The following HSF4 variants were observed in gnomAD, a reference collection of about 807,000 sequenced individuals.
HSF4 encodes the protein heat shock factor protein 4.
Under a neutral mutation model 52.0 loss-of-function variants are expected in HSF4, and 41 were observed. The ratio of observed to expected loss-of-function variants is 0.79; its 90% CI spans 0.61 to 1.02. The LOEUF is 1.02. HSF4 is among the 50% of genes least tolerant of loss of function. The pLI is 0.00. For synonymous variants in HSF4, 285 were observed against 273.0 expected (o/e 1.04, Z -0.43); for missense variants, 610 against 651.1 (o/e 0.94, Z 0.69).
chr16:67,163,931 C>G (rs2031051989), upstream of HSF4: 1 of 1,476,686 alleles, frequency 6.8e-7, no homozygotes, highest in African/African-American at 1.4e-5. Context: ...ATTGTTGCCC[C>G]CCGGGTCTTT....
rs1243249927 is a variant in HSF4 at position 67,167,730 on chromosome 16, C to T, written c.865C>T (p.Leu289=). 4 of 1,608,894 alleles carry T rather than the reference C, an allele frequency of 2.5e-6. 1 individual carries two copies. In the South Asian group the frequency reaches 3.3e-5, roughly 13 times the overall value. ...TTTTCTCTGGTGCAGGGAGAAGGGC[C>T]TGGCACTGCTCAAAGAAGAGCCGGC... The part of the protein sequence containing the change: ...PSSDGRREKG[L]ALLKEEPASP... Residue 289 remains leucine (L), a synonymous_variant, in exon 9 of 13, where the codon CTG becomes TTG. Transcript: ENST00000521374.
At position 67,165,979 on chromosome 16, in the gene HSF4, C is replaced by A; in HGVS notation, c.394C>A (p.Arg132Ser). The part of the protein sequence containing the change: ...PALRGDDGRW[R>S]PEDLGRLLGE... ...GCTGCGCGGCGACGACGGCCGCTGG[C>A]GCCCGGAGGACCTGGGTCGACTACT... Residue 132 changes from arginine to serine, a missense_variant, in exon 4 of 13, where the codon CGC (arginine) becomes AGC (serine). Transcript: ENST00000521374. This position sits in a 1 kb window ranked among gnomAD's most constrained non-coding sequence, Gnocchi z 6.9. 6.4e-7 allele frequency: 1 copy of A among 1,554,234 alleles called. No individual in the cohort carries two copies. The highest frequency in any genetic ancestry group is 1.9e-4 in the Middle Eastern group (1 of 5,286).
chr16:67,166,045 G>A lies in HSF4; in HGVS notation c.460G>A (p.Glu154Lys). 2 of 1,533,528 alleles carry A rather than the reference G, an allele frequency of 1.3e-6. No individual in the cohort carries two copies. Among genetic ancestry groups the A allele is most frequent in the Admixed American group, 3.9e-5 (2 of 50,998 alleles). 95.0% of individuals were successfully genotyped at this position (1,533,528 alleles called of 1,614,324 possible). A position where few individuals can be genotyped will look rare whatever the true frequency, so the allele number is the denominator to read the frequency against. Residue 154 changes from glutamate (E) to lysine (K), a missense_variant, in exon 4 of 13, where the codon GAG becomes AAG. Physicochemically the swap from Glu to Lys is moderately conservative, Grantham distance 56. Coordinates refer to ENST00000521374, the MANE Select transcript of HSF4 (RefSeq NM_001374675.1). ...QALRGVQEST[E>K]ARLRELRQQN... ...TTTGCGGGGAGTGCAGGAGAGCACC[G>A]AGGCGCGGCTGCGGGAGCTCAGGCA...
Position 67,168,854 on chromosome 16 carries a change from G to A in HSF4, c.1106G>A (p.Gly369Glu). Residue 369 changes from glycine to glutamate, a missense_variant, in exon 10 of 13, where the codon GGG becomes GAG. By Grantham distance (98) the Gly-to-Glu change is moderately conservative. Transcript: ENST00000521374. ...AGGGGGCCTCTGGGCCTGGAAAGCGGGGACAGGAGCCCAGAGAGTCTGCTG... is the reference window on the plus strand; with the variant it reads ...AGGGGGCCTCTGGGCCTGGAAAGCGAGGACAGGAGCCCAGAGAGTCTGCTG... ...PDRGPLGLES[G>E]DRSPESLLPP... 6.2e-7 allele frequency: 1 copy of A among 1,613,910 alleles called. No individual in the cohort carries two copies.
Position 67,169,932 on chromosome 16 carries a change from G to T in HSF4, c.*147G>T, listed in dbSNP as rs1461768251. 2.4e-5 allele frequency: 15 copies of T among 629,892 alleles called. No individual in the cohort carries two copies. Among genetic ancestry groups the T allele is most frequent in the African/African-American group, 7.6e-5 (4 of 52,486 alleles). 39.0% of individuals were successfully genotyped at this position (629,892 alleles called of 1,614,324 possible). ...CCGACTATCCCTGCACATAAACTCC[G>T]TTTTTTTTTTTTCTGTTTCTGGTCT... On this transcript the variant is annotated 3_prime_UTR_variant, in exon 13 of 13. Coordinates refer to ENST00000521374, the MANE Select transcript of HSF4 (RefSeq NM_001374675.1). The surrounding 1 kb of genome is among the most constrained non-coding windows in gnomAD (Gnocchi z 4.3).
intron 4 of HSF4, 78 bp from the exon 5 acceptor site, chr16:67,166,242 C>T: frequency 6.8e-7 from 1 of 1,467,522 alleles, no homozygotes; most frequent in Non-Finnish European, 9.4e-7. Context: ...CTCCTGGGTC[C>T]CCAGCCTCGC....
chr16:67,166,223 C>T (rs1478882056), intron 4 of HSF4, 97 bp from the exon 5 acceptor site: 13 of 1,391,742 alleles, frequency 9.3e-6, no homozygotes, highest in South Asian at 2.5e-5. Context: ...GGCCAGTCAG[C>T]GGGGTGGTCT....
chr16:67,166,263 G>T (rs973312180), intron 4 of HSF4, 57 bp from the exon 5 acceptor site: 2 of 1,522,844 alleles, frequency 1.3e-6, no homozygotes, highest in East Asian at 2.3e-5. Context: ...CATTCTGTGG[G>T]GGGTGGTGAC....
intron 9 of HSF4, 35 bp from the exon 10 acceptor site, chr16:67,168,774 CTTGGGAACTTAATGCGGGGTGG>C: frequency 7.5e-7 from 1 of 1,337,320 alleles, no homozygotes; most frequent in East Asian, 2.3e-5. Flanking sequence ...ATCTGGGTTC[CTTGGGAACTTAATGCGGGGTGG>C]ACACTGCAGG....
At chr16:67,167,653 CAG>C in intron 8 of HSF4, 54 bp downstream of exon 8, 1 of 1,612,282 alleles carries the variant, frequency 6.2e-7, no homozygotes, top group African/African-American at 1.3e-5. Flanking sequence ...CCTGGCAGCC[CAG>C]ATGGCTGTAG....
intron 4 of HSF4, 124 bp downstream of exon 4, chr16:67,166,194 T>C: frequency 7.3e-7 from 1 of 1,367,796 alleles, no homozygotes; most frequent in South Asian, 1.2e-5. Context: ...CATCTAGACT[T>C]ATGGGCGATC....
chr16:67,168,300 C>G (rs1342531693), intron 9 of HSF4, among the ~76,000 whole-genome samples: 1 of 152,074 alleles, frequency 6.6e-6, no homozygotes, highest in African/African-American at 2.4e-5. Context: ...GGTGAAACCC[C>G]CCGCCTCTGC....
In HSF4 at chr16:67,164,749, T is replaced by C. The variant is rs762547829; in HGVS notation, c.-63T>C. 23 of 1,525,990 alleles carry C rather than the reference T, an allele frequency of 1.5e-5. No individual in the cohort carries two copies. Among genetic ancestry groups the C allele is most frequent in the East Asian group, 2.5e-5 (1 of 40,312 alleles). 94.5% of individuals were successfully genotyped at this position (1,525,990 alleles called of 1,614,324 possible). On this transcript the variant is annotated 5_prime_UTR_variant, in exon 1 of 13. Coordinates refer to ENST00000521374, the MANE Select transcript of HSF4 (RefSeq NM_001374675.1). ...GGAGCGGGCGGCAAACGCAGCACTTTCCGCGGCTTTGACGAGCCCGCAGCG... is the reference window on the plus strand; with the variant it reads ...GGAGCGGGCGGCAAACGCAGCACTTCCCGCGGCTTTGACGAGCCCGCAGCG...
Position 67,167,738 on chromosome 16 carries a change from G to A in HSF4, c.873G>A (p.Leu291=), listed in dbSNP as rs1262929644. 5 of 1,607,756 alleles carry A rather than the reference G, an allele frequency of 3.1e-6. No homozygotes were observed. The highest frequency in any genetic ancestry group is 3.4e-5 in the Admixed American group (2 of 58,844). Residue 291 remains leucine (L), a synonymous_variant, in exon 9 of 13, where the codon CTG becomes CTA. Transcript: ENST00000521374. The part of the protein sequence containing the change: ...SDGRREKGLA[L]LKEEPASPGG... The stretch of plus-strand genomic sequence containing the variant: ...GGTGCAGGGAGAAGGGCCTGGCACT[G>A]CTCAAAGAAGAGCCGGCCAGTCCAG...
In HSF4 at chr16:67,169,144, G is replaced by C. The variant is rs187069151; in HGVS notation, c.1254+43G>C. Reference sequence around the variant, plus strand: ...GAGGGCAGAGGCCAGGGGTGGCTGAGTCAAGCCCTCTGGTCCATAGCTGTT... The same window carrying C: ...GAGGGCAGAGGCCAGGGGTGGCTGACTCAAGCCCTCTGGTCCATAGCTGTT... On this transcript the variant is annotated intron_variant, in intron 11 of 12. Coordinates refer to ENST00000521374, the MANE Select transcript of HSF4 (RefSeq NM_001374675.1). This position sits in a 1 kb window ranked among gnomAD's most constrained non-coding sequence, Gnocchi z 4.3. 1 of 1,606,124 alleles carries C rather than the reference G, an allele frequency of 6.2e-7. No individual in the cohort carries two copies. The highest frequency in any genetic ancestry group is 1.3e-5 in the African/African-American group (1 of 74,972).
upstream of HSF4, chr16:67,163,901 T>A: frequency 6.6e-7 from 1 of 1,521,504 alleles, no homozygotes; most frequent in Non-Finnish European, 8.8e-7. Flanking sequence ...GCGCCCCGAG[T>A]GCTAGTGCCT....
rs1597239827 is a variant in HSF4 at position 67,166,308 on chromosome 16, C to T, written c.486-12C>T. 8.1e-6 allele frequency: 13 copies of T among 1,610,216 alleles called. No homozygotes were observed. In the East Asian group the frequency reaches 2.9e-4, roughly 36 times the overall value. On this transcript the variant is annotated splice_polypyrimidine_tract_variant and intron_variant, in intron 4 of 12. Coordinates refer to ENST00000521374, the MANE Select transcript of HSF4 (RefSeq NM_001374675.1). ...TCTCAGATGCCTCAGCACCCTCCCA[C>T]CCCTTCCTCAGGCAGAACGAGATCT...
chr16:67,167,605 G>A lies in HSF4; in HGVS notation c.854+6G>A. On this transcript the variant is annotated splice_donor_region_variant and intron_variant, in intron 8 of 12. Coordinates refer to ENST00000521374, the MANE Select transcript of HSF4 (RefSeq NM_001374675.1). ...CCCTCCAGTGATGGCAGGAGGTAAG[G>A]GGGACAGGGCTGCCCCTGAGGGGCC... The A allele has an allele frequency of 6.2e-7, 1 of 1,613,282 alleles. No individual in the cohort carries two copies. The highest frequency in any genetic ancestry group is 8.5e-7 in the Non-Finnish European group (1 of 1,179,880).
chr16:67,166,384 G>C lies in HSF4; in HGVS notation c.550G>C (p.Val184Leu). 1 of 1,609,888 alleles carries C rather than the reference G, an allele frequency of 6.2e-7. No homozygotes were observed. Among genetic ancestry groups the C allele is most frequent in the Non-Finnish European group, 8.5e-7 (1 of 1,178,128 alleles). The change falls in exon 5 of 13, where the codon GTC becomes CTC. Residue 184 changes from valine (V) to leucine (L), a missense_variant. Transcript: ENST00000521374. The stretch of plus-strand genomic sequence containing the variant: ...GCAGAGCCACGGTCAGCAGCACCGG[G>C]TCATTGGCAAGGTGTTCCTCTCCCC... ...LRQSHGQQHR[V>L]IGKLIQCLFG...
Sources: allele counts gnomAD v4.1 joint callset (sites outside exome capture counted in the v4.1 genomes callset), GRCh38; gene constraint gnomAD v4.1.1; non-coding constraint Gnocchi (gnomAD v3.1); transcripts MANE v1.5; gene names NCBI Gene and HGNC (gene_info 2026-07-23, HGNC 2026-07-21).